MTREX: variants seen among roughly 807,000 people sequenced by gnomAD.
MTREX encodes the protein Mtr4 exosome RNA helicase.
In MTREX, 76 loss-of-function variants were observed where a neutral mutation model predicts 135.4. The observed-to-expected ratio is 0.56, with a 90% CI of 0.47 to 0.68. The LOEUF (loss-of-function observed/expected upper bound fraction) is 0.68. Ranked by LOEUF, MTREX falls within the 30% of genes least tolerant of loss-of-function variation. The pLI is 0.00. For missense variants in MTREX, 920 were observed against 1,262.1 expected (o/e 0.73, Z 4.11); for synonymous variants, 404 against 401.6 (o/e 1.01, Z -0.07).
At chr5:55,362,011 G>A (rs2112081752) in intron 15 of MTREX, among the ~76,000 whole-genome samples, 1 of 151,438 alleles carries the variant, frequency 6.6e-6, no homozygotes, top group East Asian at 2.0e-4. Context: ...TGACCTCCAG[G>A]GCTCAAGCGA....
chr5:55,362,683 A>C (rs890985657), intron 15 of MTREX, among the ~76,000 whole-genome samples: 10 of 152,100 alleles, frequency 6.6e-5, no homozygotes, highest in African/African-American at 2.4e-4. Context: ...CTTTTGATAC[A>C]TTTTTGATTA....
At position 55,324,003 on chromosome 5, in the gene MTREX, A is replaced by G. The variant is rs868670259; in HGVS notation, c.273-129A>G. Reference sequence around the variant, plus strand: ...ACATTTCTATGTATTCTTAATAGCCAAAGTTTTTCCTATTTGGAATACTGA... The same window carrying G: ...ACATTTCTATGTATTCTTAATAGCCGAAGTTTTTCCTATTTGGAATACTGA... On this transcript the variant is annotated intron_variant, in intron 2 of 26. Transcript: ENST00000230640. 3.4e-5 allele frequency: 22 copies of G among 654,604 alleles called. No homozygotes were observed. In the Middle Eastern group the frequency reaches 1.1e-3, roughly 33 times the overall value. The allele number at this position is 654,604 out of a possible 1,614,324, so 40.5% of individuals were successfully genotyped here.
At chr5:55,330,620 T>C (rs1749460675) in intron 5 of MTREX, among the ~76,000 whole-genome samples, 1 of 152,056 alleles carries the variant, frequency 6.6e-6, no homozygotes, top group Non-Finnish European at 1.5e-5. Flanking sequence ...CTTTGATTTT[T>C]TTTTTAGTCA....
At chr5:55,309,650 A>G (rs1214819784) in intron 1 of MTREX, among the ~76,000 whole-genome samples, 1 of 152,174 alleles carries the variant, frequency 6.6e-6, no homozygotes, top group African/African-American at 2.4e-5. Context: ...GCTTGAGACA[A>G]TGTGAAGGGA....
chr5:55,322,882 T>C (rs577106121), intron 2 of MTREX, among the ~76,000 whole-genome samples: 7 of 152,302 alleles, frequency 4.6e-5, no homozygotes, highest in East Asian at 1.9e-4. Context: ...TGGCTGTGCA[T>C]CTCAAGACTC....
At chr5:55,341,610 A>C (rs1275311391) in intron 6 of MTREX, 71 bp from the exon 7 acceptor site, 27 of 741,364 alleles carry the variant, frequency 3.6e-5, no homozygotes, top group Non-Finnish European at 5.6e-5. Context: ...TGTTGGAAAA[A>C]ACAACTTTTC....
At position 55,347,015 on chromosome 5, in the gene MTREX, C is replaced by G; in HGVS notation, c.1111C>G (p.Pro371Ala). 3 of 1,602,920 alleles carry G rather than the reference C, an allele frequency of 1.9e-6. No individual in the cohort carries two copies. The highest frequency in any genetic ancestry group is 2.6e-6 in the Non-Finnish European group (3 of 1,176,330). The change falls in exon 11 of 27, where the codon CCA becomes GCA. Residue 371 changes from proline to alanine, a missense_variant and splice_region_variant. Pro to Ala is a conservative substitution (Grantham distance 27). Coordinates refer to ENST00000230640, the MANE Select transcript of MTREX (RefSeq NM_015360.5). The stretch of plus-strand genomic sequence containing the variant: ...TGTGTTGTTTACTGTTTTTGCAGGA[C>G]CATCAAATGTTTTCAAAATTGTGAA... Reference protein sequence around the residue: ...QKGRKGGTKGPSNVFKIVKMI... With the variant: ...QKGRKGGTKGASNVFKIVKMI...
chr5:55,373,480 A>G (rs1006083928), intron 16 of MTREX, among the ~76,000 whole-genome samples: 7 of 152,150 alleles, frequency 4.6e-5, no homozygotes, highest in African/African-American at 1.7e-4. Context: ...GTTGAGGAAG[A>G]TGGTGCACTC....
chr5:55,339,007 G>A (rs534471840), intron 5 of MTREX, among the ~76,000 whole-genome samples: 1 of 151,768 alleles, frequency 6.6e-6, no homozygotes, highest in South Asian at 2.1e-4. Flanking sequence ...GCCAAGGCTG[G>A]TCTCGAACTC....
At chr5:55,322,060 T>C (rs896097128) in intron 1 of MTREX, among the ~76,000 whole-genome samples, 5 of 152,226 alleles carry the variant, frequency 3.3e-5, no homozygotes, top group Non-Finnish European at 7.3e-5. Context: ...TTTACAGTTT[T>C]AAAGAAAATA....
chr5:55,368,437 G>A (rs749748061), intron 16 of MTREX, among the ~76,000 whole-genome samples: 1 of 152,110 alleles, frequency 6.6e-6, no homozygotes, highest in Non-Finnish European at 1.5e-5. Flanking sequence ...GTGACAGAGC[G>A]AGACTCCATC....
chr5:55,308,153 G>T lies in MTREX; in HGVS notation c.134+6G>T, dbSNP rs1437012348. 1.9e-6 allele frequency: 3 copies of T among 1,584,584 alleles called. No homozygotes were observed. The highest frequency in any genetic ancestry group is 2.6e-6 in the Non-Finnish European group (3 of 1,168,394). On this transcript the variant is annotated splice_donor_region_variant and intron_variant, in intron 1 of 26. Transcript: ENST00000230640. ...GGGTCTGCAGACAAGGCAGGGTAAGGAAGAAGTTCCAGTTGTTGCTTTTAT... is the reference window on the plus strand; with the variant it reads ...GGGTCTGCAGACAAGGCAGGGTAAGTAAGAAGTTCCAGTTGTTGCTTTTAT...
chr5:55,401,627 C>T (rs1397112465), intron 21 of MTREX, among the ~76,000 whole-genome samples: 1 of 152,198 alleles, frequency 6.6e-6, no homozygotes, highest in African/African-American at 2.4e-5. Context: ...AAGATAACTG[C>T]TTTCTCTACA....
At chr5:55,365,435 A>G (rs1750086504) in intron 15 of MTREX, among the ~76,000 whole-genome samples, 1 of 152,134 alleles carries the variant, frequency 6.6e-6, no homozygotes, top group African/African-American at 2.4e-5. Context: ...CACAGATGAG[A>G]AGTCTCCCCT....
intron 1 of MTREX, among the ~76,000 whole-genome samples, chr5:55,312,620 T>G (rs1440467800): frequency 1.3e-5 from 2 of 152,224 alleles, no homozygotes; most frequent in Non-Finnish European, 2.9e-5. Context: ...AACATAGTGC[T>G]TCTGAGATTC....
intron 5 of MTREX, among the ~76,000 whole-genome samples, chr5:55,333,047 A>G (rs563370305): frequency 2.0e-5 from 3 of 152,068 alleles, no homozygotes; most frequent in Non-Finnish European, 4.4e-5. Context: ...ATTGATACTA[A>G]AACATTGTGA....
intron 10 of MTREX, among the ~76,000 whole-genome samples, chr5:55,345,741 A>G (rs1019766296): frequency 8.5e-6 from 1 of 117,348 alleles, no homozygotes; most frequent in Non-Finnish European, 1.7e-5. Context: ...GTCTTGGCTC[A>G]TTGCAACTTT....
At chr5:55,424,078 A>AT (rs1751104640) in intron 26 of MTREX, 1 of 151,980 alleles carries the variant, frequency 6.6e-6, no homozygotes, top group Non-Finnish European at 1.5e-5. Context: ...AAGTCTTTGG[A>AT]TTTTACATTT....
intron 5 of MTREX, among the ~76,000 whole-genome samples, chr5:55,336,252 A>G (rs1749551508): frequency 6.6e-6 from 1 of 152,124 alleles, no homozygotes; most frequent in African/African-American, 2.4e-5. Flanking sequence ...ATCTAGTACA[A>G]CGTTGGATAG....
Sources: gnomAD v4.1 joint callset for allele counts (sites outside exome capture counted in the v4.1 genomes callset) on GRCh38, gnomAD v4.1.1 for gene constraint, MANE v1.5 for transcripts, NCBI Gene and HGNC (gene_info 2026-07-23, HGNC 2026-07-21) for gene names.